The following TAB2 variants were observed in gnomAD, a reference collection of about 807,000 sequenced individuals.
TAB2 encodes TGF-beta activated kinase 1 (MAP3K7) binding protein 2, also known as TGF-beta-activated kinase 1 and MAP3K7-binding protein 2.
A neutral mutation model predicts 65.0 loss-of-function variants in TAB2; 3 were observed. That is an observed-to-expected ratio of 0.05 (90% CI 0.02 to 0.12). The LOEUF (loss-of-function observed/expected upper bound fraction) is 0.12, where lower values mean the gene tolerates loss of function less well. Among genes scored for constraint, TAB2 ranks in the 10% least tolerant of loss-of-function variants. The probability of loss-of-function intolerance (pLI) is 1.00; values close to 1 mark genes in which losing one functional copy is unlikely to be tolerated. For missense variants in TAB2, 623 were observed against 840.3 expected, an observed-to-expected ratio of 0.74 and a Z score of 3.20; for synonymous variants, 298 against 285.1, an observed-to-expected ratio of 1.05 and a Z score of -0.46.
chr6:149,218,119 G>T (rs933083556), upstream of TAB2: 3 of 152,142 alleles, frequency 2.0e-5, no homozygotes, highest in African/African-American at 7.2e-5. Context: ...TGGGCTTTCT[G>T]CACTCAGTGA....
chr6:149,252,541 C>T (rs374208155), intron 1 of TAB2, among the ~76,000 whole-genome samples: 1 of 152,270 alleles, frequency 6.6e-6, no homozygotes, highest in East Asian at 1.9e-4. Flanking sequence ...ATCCCTATAC[C>T]GATCCTGTCT....
rs547252932 is a variant in TAB2, at chr6:149,318,278, G to GT, written c.-90+263_-90+264insT. Among the ~76,000 whole-genome samples the GT allele has an allele frequency of 2.0e-5, 3 of 151,878 alleles. No individual in the cohort carries two copies. In the East Asian group the frequency reaches 5.8e-4, roughly 30 times the overall value. On this transcript the variant is annotated intron_variant, in intron 1 of 6. Coordinates refer to ENST00000637181, the MANE Select transcript of TAB2 (RefSeq NM_001292034.3). ...TGGGCTCCGGGGCGTCCGTGCGGGG[G>GT]GGGAGGGGGAGCTTCATTGGAATCG...
chr6:149,345,030 A>G (rs1402819594), intron 1 of TAB2, among the ~76,000 whole-genome samples: 1 of 152,156 alleles, frequency 6.6e-6, no homozygotes, highest in African/African-American at 2.4e-5. Flanking sequence ...GGAGACTCTT[A>G]TATTTAATAG....
At chr6:149,240,361 C>A (rs1329335974) in intron 1 of TAB2, among the ~76,000 whole-genome samples, 1 of 152,088 alleles carries the variant, frequency 6.6e-6, no homozygotes, top group Non-Finnish European at 1.5e-5. Flanking sequence ...GCAGGTTCCT[C>A]CAGTCTATGA....
chr6:149,249,775 T>C (rs1251764250), intron 1 of TAB2, among the ~76,000 whole-genome samples: 4 of 152,192 alleles, frequency 2.6e-5, no homozygotes, highest in Non-Finnish European at 5.9e-5. Context: ...TTACTGACAG[T>C]CAGTAACTGC....
At position 149,379,538 on chromosome 6, in the gene TAB2, T is replaced by G. The variant is rs1323169662; in HGVS notation, c.1603+20T>G. 6.2e-7 allele frequency: 1 copy of G among 1,612,930 alleles called. No individual in the cohort carries two copies. The highest frequency in any genetic ancestry group is 8.5e-7 in the Non-Finnish European group (1 of 1,179,286). On this transcript the variant is annotated intron_variant, in intron 3 of 6. Transcript: ENST00000637181. ...CACAAGGTAATATGAATACTAAAGG[T>G]GGGATGGTTTTCCATGCTGGGCTTG...
At chr6:149,407,369 A>G (rs1264781032) in intron 6 of TAB2, among the ~76,000 whole-genome samples, 1 of 152,190 alleles carries the variant, frequency 6.6e-6, no homozygotes, top group Non-Finnish European at 1.5e-5. Context: ...CAGAATAATA[A>G]TAATCTGTTA....
At chr6:149,263,802 G>A (rs929791416) in intron 1 of TAB2, among the ~76,000 whole-genome samples, 2 of 152,228 alleles carry the variant, frequency 1.3e-5, no homozygotes, top group African/African-American at 4.8e-5. Flanking sequence ...TGGCGCCCAG[G>A]AGGTCTCCCA....
At chr6:149,404,211 A>T (rs903643259) in intron 6 of TAB2, among the ~76,000 whole-genome samples, 2 of 152,212 alleles carry the variant, frequency 1.3e-5, no homozygotes, top group Admixed American at 1.3e-4. Flanking sequence ...CAAGAAAACA[A>T]TCCCATTCAC....
chr6:149,262,140 T>C (rs1778165296), intron 1 of TAB2, among the ~76,000 whole-genome samples: 1 of 152,172 alleles, frequency 6.6e-6, no homozygotes, highest in Admixed American at 6.5e-5. Flanking sequence ...AAGTTTTACA[T>C]AGTGTAAAGC....
chr6:149,267,941 G>A (rs749749239), intron 1 of TAB2, among the ~76,000 whole-genome samples: 1 of 152,144 alleles, frequency 6.6e-6, no homozygotes, highest in Non-Finnish European at 1.5e-5. Flanking sequence ...ACGTCATTAT[G>A]TGGCACCACT....
chr6:149,395,028 G>C (rs1330166824), intron 3 of TAB2, among the ~76,000 whole-genome samples: 1 of 152,252 alleles, frequency 6.6e-6, no homozygotes, highest in Non-Finnish European at 1.5e-5. Context: ...ATGGGCCATA[G>C]TTTGCCTACC....
At chr6:149,218,763 A>G (rs747369209) in exon 1 of TAB2, 2 of 456,172 alleles carry the variant, frequency 4.4e-6, no homozygotes, top group South Asian at 3.1e-5. Flanking sequence ...AAAGCAAACC[A>G]ACTGAGAATG....
At chr6:149,261,395 G>A (rs9498271) in intron 1 of TAB2, among the ~76,000 whole-genome samples, 3,262 of 152,250 alleles carry the variant, frequency 0.021, 101 homozygotes, top group African/African-American at 0.075. Flanking sequence ...TGGAACAGAT[G>A]AAAGCACAGT....
chr6:149,368,661 G>GTGTT (rs955518955), intron 1 of TAB2, among the ~76,000 whole-genome samples: 3 of 151,878 alleles, frequency 2.0e-5, no homozygotes, highest in African/African-American at 7.3e-5. Context: ...GTGTGTGTGT[G>GTGTT]TGTGTGTGTG....
intron 1 of TAB2, among the ~76,000 whole-genome samples, chr6:149,220,611 G>A (rs1330108891): frequency 6.6e-6 from 1 of 152,142 alleles, no homozygotes; most frequent in Admixed American, 6.6e-5. Flanking sequence ...TTCAAGTTGG[G>A]TTTTTGATTG....
At chr6:149,281,393 CCAG>C in intron 1 of TAB2, among the ~76,000 whole-genome samples, 1 of 151,520 alleles carries the variant, frequency 6.6e-6, no homozygotes. Flanking sequence ...AACCAATAAT[CCAG>C]CAAAGGAGAC....
intron 3 of TAB2, among the ~76,000 whole-genome samples, chr6:149,386,714 C>T (rs955895694): frequency 1.3e-5 from 2 of 152,034 alleles, no homozygotes; most frequent in African/African-American, 4.8e-5. Context: ...TACTGTTTTC[C>T]AAAGTGATTT....
At chr6:149,345,102 A>G (rs1047757006) in intron 1 of TAB2, among the ~76,000 whole-genome samples, 2 of 152,084 alleles carry the variant, frequency 1.3e-5, no homozygotes, top group Non-Finnish European at 2.9e-5. Context: ...TAATTAAACC[A>G]TCTCATTGGT....
Sources: gnomAD v4.1 joint callset for allele counts (sites outside exome capture counted in the v4.1 genomes callset) on GRCh38, gnomAD v4.1.1 for gene constraint, MANE v1.5 for transcripts, NCBI Gene and HGNC (gene_info 2026-07-23, HGNC 2026-07-21) for gene names.